CSNK2A2IP: variants seen among roughly 807,000 people sequenced by gnomAD.
CSNK2A2IP encodes casein kinase II subunit alpha'-interacting protein.
chr3:88,443,874 T>C, the CSNK2A2IP span, among the ~76,000 whole-genome samples: 18 of 129,132 alleles, frequency 1.4e-4, no homozygotes, highest in Admixed American at 5.2e-4. Context: ...AGTAAAAGCA[T>C]TTGGAAATTA....
chr3:88,427,574 T>C, the CSNK2A2IP span, among the ~76,000 whole-genome samples: 3 of 152,196 alleles, frequency 2.0e-5, no homozygotes, highest in East Asian at 5.8e-4. Flanking sequence ...AGTGCACTGA[T>C]GCTTTGCGTA....
At chr3:88,458,371 G>A in the CSNK2A2IP span, among the ~76,000 whole-genome samples, 331 of 151,954 alleles carry the variant, frequency 2.2e-3, 2 homozygotes, top group Non-Finnish European at 2.2e-3. Flanking sequence ...GGCTGGTCTC[G>A]AACTCCTTAT....
chr3:88,392,740 T>C, the CSNK2A2IP span, among the ~76,000 whole-genome samples: 1 of 152,126 alleles, frequency 6.6e-6, no homozygotes, highest in Non-Finnish European at 1.5e-5. Flanking sequence ...TGTGATGGAC[T>C]GGAAAAAAGA....
chr3:88,390,588 G>A, the CSNK2A2IP span, among the ~76,000 whole-genome samples: 1 of 152,142 alleles, frequency 6.6e-6, no homozygotes, highest in Non-Finnish European at 1.5e-5. Context: ...TAACTAAATC[G>A]AGTGGGCATT....
At chr3:88,405,984 T>A in the CSNK2A2IP span, among the ~76,000 whole-genome samples, 1 of 151,992 alleles carries the variant, frequency 6.6e-6, no homozygotes, top group African/African-American at 2.4e-5. Context: ...TAAAAAAAAA[T>A]GAGTGGAGCT....
At chr3:88,375,467 G>T in the CSNK2A2IP span, among the ~76,000 whole-genome samples, 1 of 151,738 alleles carries the variant, frequency 6.6e-6, no homozygotes. Flanking sequence ...GTGAGCACTT[G>T]TGAAGACTCT....
At chr3:88,448,547 A>T in the CSNK2A2IP span, among the ~76,000 whole-genome samples, 1 of 152,334 alleles carries the variant, frequency 6.6e-6, no homozygotes, top group East Asian at 1.9e-4. Context: ...TTTATGGCAG[A>T]TAGGCCATAT....
the CSNK2A2IP span, among the ~76,000 whole-genome samples, chr3:88,389,195 G>T: frequency 1.3e-5 from 2 of 151,906 alleles, no homozygotes; most frequent in African/African-American, 4.8e-5. Context: ...TTAAAATAGG[G>T]GGTTCAGGAA....
At chr3:88,405,972 T>A in the CSNK2A2IP span, among the ~76,000 whole-genome samples, 3 of 150,966 alleles carry the variant, frequency 2.0e-5, no homozygotes, top group African/African-American at 7.4e-5. Context: ...GTTTTTTTCA[T>A]CTAAAAAAAA....
chr3:88,466,020 G>GA, the CSNK2A2IP span: 1 of 1,231,508 alleles, frequency 8.1e-7, no homozygotes, highest in Non-Finnish European at 1.0e-6. Context: ...CCAAACCTCA[G>GA]AAAACATCCT....
chr3:88,363,544 G>A, the CSNK2A2IP span, among the ~76,000 whole-genome samples: 6 of 152,062 alleles, frequency 3.9e-5, no homozygotes, highest in Non-Finnish European at 8.8e-5. Flanking sequence ...TTCTTGCTTG[G>A]TATCTTTGCT....
the CSNK2A2IP span, among the ~76,000 whole-genome samples, chr3:88,423,881 A>G: frequency 0.36 from 55,199 of 151,960 alleles, 11,318 homozygotes; most frequent in Non-Finnish European, 0.47. Context: ...GGGATTGCAT[A>G]CAATGTTTCC....
chr3:88,354,373 C>T, the CSNK2A2IP span, among the ~76,000 whole-genome samples: 3,690 of 152,114 alleles, frequency 0.024, 95 homozygotes, highest in East Asian at 0.074. Context: ...GAGGTAGTTG[C>T]CATTACTATT....
At chr3:88,467,090 C>T in the CSNK2A2IP span, 28 of 665,000 alleles carry the variant, frequency 4.2e-5, no homozygotes, top group Non-Finnish European at 5.5e-5. Context: ...ATATGGTGGG[C>T]GGTAGCCCCC....
At chr3:88,393,548 C>T in the CSNK2A2IP span, among the ~76,000 whole-genome samples, 1 of 152,084 alleles carries the variant, frequency 6.6e-6, no homozygotes, top group Admixed American at 6.5e-5. Context: ...TATTTATGTA[C>T]TTAGGGTAAT....
chr3:88,456,703 T>C, the CSNK2A2IP span, among the ~76,000 whole-genome samples: 43,158 of 149,610 alleles, frequency 0.29, 6,994 homozygotes, highest in East Asian at 0.48. Flanking sequence ...CAGAACCATT[T>C]GAAAATACTG....
chr3:88,466,733 G>T, the CSNK2A2IP span: 1 of 957,120 alleles, frequency 1.0e-6, no homozygotes, highest in Non-Finnish European at 1.4e-6. Flanking sequence ...AGGATGAGGG[G>T]AAGGCCAAAT....
At chr3:88,377,215 A>C in the CSNK2A2IP span, among the ~76,000 whole-genome samples, 1 of 151,720 alleles carries the variant, frequency 6.6e-6, no homozygotes, top group Non-Finnish European at 1.5e-5. Context: ...CCTTGGCATA[A>C]CCTCAAAGTC....
chr3:88,413,178 C>T, the CSNK2A2IP span, among the ~76,000 whole-genome samples: 1 of 151,916 alleles, frequency 6.6e-6, no homozygotes, highest in African/African-American at 2.4e-5. Context: ...GGGAAATATG[C>T]CTACTCACCT....
Sources: gnomAD v4.1 joint callset for allele counts (sites outside exome capture counted in the v4.1 genomes callset) on GRCh38, gnomAD v4.1.1 for gene constraint, MANE v1.5 for transcripts, NCBI Gene and HGNC (gene_info 2026-07-23, HGNC 2026-07-21) for gene names.